The following NOL10 variants were observed in gnomAD, a reference collection of about 807,000 sequenced individuals.
The protein encoded by NOL10 is H_NH0074G24.1.
In NOL10, 58 loss-of-function variants were observed where a neutral mutation model predicts 103.5. The ratio of observed to expected loss-of-function variants is 0.56; its 90% CI spans 0.45 to 0.70. The LOEUF (loss-of-function observed/expected upper bound fraction) is 0.70. Among genes scored for constraint, NOL10 ranks in the 30% least tolerant of loss-of-function variants. The pLI, the probability that NOL10 is intolerant of heterozygous loss-of-function variation, is 0.00. For missense variants in NOL10, 763 were observed against 807.3 expected, an observed-to-expected ratio of 0.95 and a Z score of 0.67; for synonymous variants, 287 against 282.5, an observed-to-expected ratio of 1.02 and a Z score of -0.16.
At chr2:10,588,158 T>A (rs1005630564) in intron 19 of NOL10, among the ~76,000 whole-genome samples, 1 of 152,260 alleles carries the variant, frequency 6.6e-6, no homozygotes, top group Non-Finnish European at 1.5e-5. Context: ...CTCAGACTCC[T>A]GACAACTGAA....
At chr2:10,603,314 CA>C (rs1676084698) in intron 14 of NOL10, among the ~76,000 whole-genome samples, 157 bp from the exon 15 acceptor site, 1 of 152,164 alleles carries the variant, frequency 6.6e-6, no homozygotes, top group African/African-American at 2.4e-5. Context: ...CTATAGAGAA[CA>C]TTTAATCTAC....
intron 6 of NOL10, among the ~76,000 whole-genome samples, chr2:10,669,507 CATAT>C (rs199871666): frequency 6.5e-5 from 6 of 92,876 alleles, no homozygotes; most frequent in East Asian, 8.4e-4. Flanking sequence ...TACACACACA[CATAT>C]ATACACACAC....
chr2:10,666,393 C>T (rs1394812897), intron 8 of NOL10, among the ~76,000 whole-genome samples: 8 of 151,942 alleles, frequency 5.3e-5, no homozygotes, highest in African/African-American at 1.2e-4. Flanking sequence ...GTCACCCAGG[C>T]GGGAGTGCAG....
chr2:10,639,198 G>A (rs1270574306), intron 13 of NOL10, among the ~76,000 whole-genome samples: 3 of 152,000 alleles, frequency 2.0e-5, no homozygotes, highest in African/African-American at 4.8e-5. Context: ...CGAGGCAGGC[G>A]GATCACAAGG....
At chr2:10,672,938 A>C (rs1681046096) in intron 5 of NOL10, among the ~76,000 whole-genome samples, 1 of 152,122 alleles carries the variant, frequency 6.6e-6, no homozygotes, top group Non-Finnish European at 1.5e-5. Flanking sequence ...TGCTGCAATG[A>C]GCTGAAATTA....
intron 17 of NOL10, among the ~76,000 whole-genome samples, chr2:10,592,254 G>C (rs565686056): frequency 1.3e-5 from 2 of 152,192 alleles, no homozygotes; most frequent in Non-Finnish European, 2.9e-5. Flanking sequence ...GGAGGGTTAA[G>C]AATTAAAAAC....
intron 12 of NOL10, among the ~76,000 whole-genome samples, chr2:10,652,980 G>C (rs1019519571): frequency 3.9e-5 from 6 of 152,060 alleles, no homozygotes; most frequent in African/African-American, 1.4e-4. Flanking sequence ...CGGATCACTT[G>C]AGGTCAGGAG....
chr2:10,674,530 C>T (rs1178156949), intron 4 of NOL10, among the ~76,000 whole-genome samples: 2 of 152,128 alleles, frequency 1.3e-5, no homozygotes, highest in African/African-American at 4.8e-5. Context: ...GATTTATAAT[C>T]ATATGAGCCC....
chr2:10,621,973 T>C (rs1455652638), intron 13 of NOL10: 7 of 433,822 alleles, frequency 1.6e-5, no homozygotes, highest in Non-Finnish European at 3.3e-5. Flanking sequence ...TTAAAATTAA[T>C]TAAATGAAAT....
chr2:10,656,162 C>G (rs981977506), intron 11 of NOL10, among the ~76,000 whole-genome samples: 3 of 152,132 alleles, frequency 2.0e-5, no homozygotes, highest in African/African-American at 4.8e-5. Flanking sequence ...TTCTACTTTA[C>G]CAGTGTTTTA....
chr2:10,652,012 C>T (rs996655219), intron 12 of NOL10, among the ~76,000 whole-genome samples: 3 of 152,040 alleles, frequency 2.0e-5, no homozygotes, highest in East Asian at 1.9e-4. Flanking sequence ...GAGGCTGAGG[C>T]GGGCAGATCA....
intron 12 of NOL10, among the ~76,000 whole-genome samples, chr2:10,645,026 T>G (rs998489028): frequency 6.6e-6 from 1 of 152,226 alleles, no homozygotes; most frequent in South Asian, 2.1e-4. Flanking sequence ...CACTGCACTT[T>G]AAATAAAACT....
intron 13 of NOL10, among the ~76,000 whole-genome samples, chr2:10,639,308 G>C (rs1460376991): frequency 1.3e-5 from 2 of 152,184 alleles, no homozygotes; most frequent in African/African-American, 4.8e-5. Context: ...TATAGTCCCA[G>C]CTGCTGGGGA....
chr2:10,619,988 A>G (rs1677043204), intron 13 of NOL10, among the ~76,000 whole-genome samples: 1 of 152,236 alleles, frequency 6.6e-6, no homozygotes. Context: ...ACTTGCCCAC[A>G]TGCACACGCA....
At chr2:10,586,864 C>T (rs954041342) in intron 19 of NOL10, among the ~76,000 whole-genome samples, 1 of 150,666 alleles carries the variant, frequency 6.6e-6, no homozygotes, top group Non-Finnish European at 1.5e-5. Flanking sequence ...TGGTAATTGA[C>T]CCCTGACTGT....
chr2:10,573,649 T>C (rs1489478196), intron 20 of NOL10, among the ~76,000 whole-genome samples: 3 of 116,136 alleles, frequency 2.6e-5, no homozygotes, highest in Non-Finnish European at 5.2e-5. Context: ...AAGCAATTTG[T>C]AATGTCAAAA....
chr2:10,688,106 A>C (rs2148376796), intron 1 of NOL10, among the ~76,000 whole-genome samples: 1 of 152,210 alleles, frequency 6.6e-6, no homozygotes, highest in East Asian at 1.9e-4. Flanking sequence ...CCAACAGTCC[A>C]ATCCATTAGC....
chr2:10,602,938 A>G, intron 15 of NOL10, 64 bp from the exon 16 acceptor site: 2 of 1,296,400 alleles, frequency 1.5e-6, no homozygotes, highest in African/African-American at 2.9e-5. Flanking sequence ...ATTTTCATAT[A>G]CACCACGACA....
At chr2:10,604,411 A>T (rs1305883073) in intron 14 of NOL10, among the ~76,000 whole-genome samples, 1 of 152,242 alleles carries the variant, frequency 6.6e-6, no homozygotes, top group Non-Finnish European at 1.5e-5. Context: ...TAAAAAAGAA[A>T]ATTAAATTTA....
Sources: allele counts gnomAD v4.1 joint callset (sites outside exome capture counted in the v4.1 genomes callset), GRCh38; gene constraint gnomAD v4.1.1; transcripts MANE v1.5; gene names NCBI Gene and HGNC (gene_info 2026-07-23, HGNC 2026-07-21).